Variants in SOX5 observed in about 807,000 individuals in gnomAD.
SOX5 encodes SRY-box transcription factor 5, also known as transcription factor SOX-5.
Under a neutral mutation model 92.0 loss-of-function variants are expected in SOX5, and 9 were observed. The observed-to-expected ratio is 0.10, with a 90% CI of 0.06 to 0.17. The LOEUF (loss-of-function observed/expected upper bound fraction) is 0.17, where lower values mean the gene tolerates loss of function less well. Ranked by LOEUF, SOX5 falls within the 10% of genes least tolerant of loss-of-function variation. The pLI is 1.00. For missense variants in SOX5, 642 were observed against 944.5 expected (o/e 0.68, Z 4.20); for synonymous variants, 344 against 336.3 (o/e 1.02, Z -0.25).
At chr12:24,395,219 G>A (rs780424349) in intron 1 of SOX5, among the ~76,000 whole-genome samples, 1 of 151,890 alleles carries the variant, frequency 6.6e-6, no homozygotes, top group Non-Finnish European at 1.5e-5. Context: ...ACAGAGCCTG[G>A]AGAATAAGGA....
chr12:23,702,677 G>A (rs2090824009), intron 6 of SOX5, among the ~76,000 whole-genome samples: 1 of 151,776 alleles, frequency 6.6e-6, no homozygotes, highest in Non-Finnish European at 1.5e-5. Flanking sequence ...GTATCACTTT[G>A]GTATGAATAA....
rs151075966 is a variant in SOX5 at position 24,529,534 on chromosome 12, A to G, written c.-251+32795T>C. On this transcript the variant is annotated intron_variant, in intron 1 of 4. Transcript: ENST00000446891. ...AAATTTGTATTTACATTACTCAAGA[A>G]AAAGAAAACAAGAAGCAGAATCTTA... 2.4e-3 allele frequency among the ~76,000 whole-genome samples: 367 copies of G among 152,366 alleles called. 2 individuals carry two copies. The highest frequency in any genetic ancestry group is 8.2e-3 in the African/African-American group (342 of 41,584).
intron 4 of SOX5, among the ~76,000 whole-genome samples, chr12:24,104,630 T>C (rs1946466979): frequency 6.6e-6 from 1 of 152,250 alleles, no homozygotes; most frequent in South Asian, 2.1e-4. Flanking sequence ...ATGATGGCAA[T>C]ATCTACTATT....
In SOX5 at chr12:23,531,359, A is replaced by C. The variant is rs1275076222; in HGVS notation, c.*2860T>G. 2 of 151,822 alleles carry C rather than the reference A, an allele frequency of 1.3e-5. No individual in the cohort carries two copies. Among genetic ancestry groups the C allele is most frequent in the Non-Finnish European group, 2.9e-5 (2 of 67,820 alleles). 9.4% of individuals were successfully genotyped at this position (151,822 alleles called of 1,614,324 possible). On this transcript the variant is annotated 3_prime_UTR_variant, in exon 15 of 15. Coordinates refer to ENST00000451604, the MANE Select transcript of SOX5 (RefSeq NM_006940.6). ...CCCTTCAAATAAAACAAAATATAACAAAAAAAAGACCAAACACCAAAGTGT... is the reference window on the plus strand; with the variant it reads ...CCCTTCAAATAAAACAAAATATAACCAAAAAAAGACCAAACACCAAAGTGT...
intron 9 of SOX5, among the ~76,000 whole-genome samples, chr12:23,594,517 T>TATTA (rs903103863): frequency 5.3e-5 from 8 of 152,064 alleles, no homozygotes; most frequent in African/African-American, 1.2e-4. Flanking sequence ...GCCCTTAAAA[T>TATTA]ATTAATTAAT....
intron 1 of SOX5, among the ~76,000 whole-genome samples, chr12:24,453,283 T>G (rs903870204): frequency 4.0e-5 from 6 of 148,782 alleles, no homozygotes; most frequent in African/African-American, 1.2e-4. Flanking sequence ...AAAAAGGCAC[T>G]ATGTTTTGAA....
chr12:23,830,921 A>G (rs1358041966), intron 3 of SOX5, among the ~76,000 whole-genome samples: 3 of 152,170 alleles, frequency 2.0e-5, no homozygotes, highest in Non-Finnish European at 1.5e-5. Context: ...AACATCAAAC[A>G]TGCAATGCCT....
At chr12:24,323,937 A>T (rs1950440663) in intron 2 of SOX5, among the ~76,000 whole-genome samples, 1 of 152,180 alleles carries the variant, frequency 6.6e-6, no homozygotes, top group Admixed American at 6.5e-5. Flanking sequence ...CAATTAAGAA[A>T]TACAGGGAAT....
At chr12:24,333,688 T>G (rs1595685521) in intron 2 of SOX5, among the ~76,000 whole-genome samples, 1 of 151,980 alleles carries the variant, frequency 6.6e-6, no homozygotes. Context: ...GCAAAACACA[T>G]GAATCCCTAA....
chr12:24,258,915 C>T (rs998834664), intron 3 of SOX5, among the ~76,000 whole-genome samples: 8 of 152,198 alleles, frequency 5.3e-5, no homozygotes, highest in African/African-American at 9.6e-5. Context: ...CAGGATCGCA[C>T]AGTTAGACAA....
At chr12:24,268,056 A>T (rs1000821113) in intron 3 of SOX5, among the ~76,000 whole-genome samples, 1 of 152,218 alleles carries the variant, frequency 6.6e-6, no homozygotes, top group East Asian at 1.9e-4. Context: ...CCTAGTTCCA[A>T]GATCAGGAAA....
chr12:23,765,496 A>G (rs1053473633), intron 3 of SOX5, among the ~76,000 whole-genome samples: 4 of 151,916 alleles, frequency 2.6e-5, no homozygotes, highest in Admixed American at 6.6e-5. Context: ...ACAATAAATA[A>G]TTAAAGGAAG....
intron 4 of SOX5, among the ~76,000 whole-genome samples, chr12:24,137,632 AAAAAAC>A (rs756423096): frequency 1.1e-4 from 16 of 152,258 alleles, no homozygotes; most frequent in Non-Finnish European, 1.5e-4. Flanking sequence ...CTCCGTCTCA[AAAAAAC>A]AAAAACAAAA....
At chr12:23,608,108 GAAAAAAGAA>G (rs2075478253) in intron 8 of SOX5, among the ~76,000 whole-genome samples, 10 of 5,676 alleles carry the variant, frequency 1.8e-3, no homozygotes, top group Admixed American at 3.1e-3. Context: ...TGTCTCAAAA[GAAAAAAGAA>G]AAAAAAAAAA....
chr12:23,631,735 G>A (rs2078563948), intron 8 of SOX5, among the ~76,000 whole-genome samples: 2 of 151,930 alleles, frequency 1.3e-5, no homozygotes, highest in Admixed American at 6.6e-5. Context: ...TTATTTAATC[G>A]ACCATTACAA....
chr12:23,536,358 A>G, intron 14 of SOX5, 95 bp downstream of exon 14: 1 of 984,610 alleles, frequency 1.0e-6, no homozygotes, highest in Non-Finnish European at 1.6e-6. Context: ...ATTCTTTTTC[A>G]AAATGTCTTT....
chr12:24,266,239 G>A (rs1256983059), intron 3 of SOX5, among the ~76,000 whole-genome samples: 3 of 151,960 alleles, frequency 2.0e-5, no homozygotes, highest in Non-Finnish European at 4.4e-5. Flanking sequence ...TAATAAACAG[G>A]TTTTCAGTTT....
At chr12:23,999,832 G>A (rs932829304) in intron 4 of SOX5, among the ~76,000 whole-genome samples, 12 of 151,828 alleles carry the variant, frequency 7.9e-5, no homozygotes, top group African/African-American at 2.9e-4. Context: ...AACAAATAAT[G>A]AGAGAGTACT....
chr12:23,958,301 G>A (rs1231967871), intron 4 of SOX5, among the ~76,000 whole-genome samples: 3 of 151,902 alleles, frequency 2.0e-5, no homozygotes, highest in Non-Finnish European at 4.4e-5. Context: ...GAGAAAAAAG[G>A]AAAGAATCAA....
Sources: allele counts gnomAD v4.1 joint callset (sites outside exome capture counted in the v4.1 genomes callset), GRCh38; gene constraint gnomAD v4.1.1; transcripts MANE v1.5; gene names NCBI Gene and HGNC (gene_info 2026-07-23, HGNC 2026-07-21).